The following AGBL4 variants were observed in gnomAD, a reference collection of about 807,000 sequenced individuals.
AGBL4 encodes the protein AGBL carboxypeptidase 4.
AGBL4 carries 58 observed loss-of-function variants against 66.4 expected under a neutral mutation model. The ratio of observed to expected loss-of-function variants is 0.87; its 90% CI spans 0.71 to 1.09. The LOEUF (loss-of-function observed/expected upper bound fraction) is 1.09, where lower values mean the gene tolerates loss of function less well. Ranked by LOEUF, AGBL4 falls within the 50% of genes least tolerant of loss-of-function variation. The probability of loss-of-function intolerance (pLI) is 0.00; values close to 1 mark genes in which losing one functional copy is unlikely to be tolerated. For missense variants in AGBL4, 579 were observed against 631.0 expected (o/e 0.92, Z 0.88); for synonymous variants, 234 against 222.9 (o/e 1.05, Z -0.44).
chr1:48,663,926 C>T (rs1646146049), intron 6 of AGBL4, among the ~76,000 whole-genome samples: 1 of 152,012 alleles, frequency 6.6e-6, no homozygotes, highest in East Asian at 1.9e-4. Context: ...GAGATTAGAT[C>T]CCAATCCCTT....
At chr1:48,830,648 G>GA (rs909102498) in intron 6 of AGBL4, among the ~76,000 whole-genome samples, 47 of 152,308 alleles carry the variant, frequency 3.1e-4, no homozygotes, top group African/African-American at 1.1e-3. Context: ...TGCCATTCAA[G>GA]AAAAACATTC....
At chr1:49,791,131 T>A (rs536594092) in intron 2 of AGBL4, among the ~76,000 whole-genome samples, 1 of 152,214 alleles carries the variant, frequency 6.6e-6, no homozygotes, top group Admixed American at 6.5e-5. Context: ...GTGTGAAATG[T>A]AAAGTGATAT....
At chr1:49,415,422 A>C (rs1645406556) in intron 3 of AGBL4, among the ~76,000 whole-genome samples, 1 of 152,140 alleles carries the variant, frequency 6.6e-6, no homozygotes, top group African/African-American at 2.4e-5. Context: ...TTACTTCTAG[A>C]GGTTTGTTAA....
Position 49,696,818 on chromosome 1 carries a change from G to A in AGBL4, c.282+495C>T, listed in dbSNP as rs117607278. Among the ~76,000 whole-genome samples, 10 of 152,210 alleles carry A rather than the reference G, an allele frequency of 6.6e-5. No homozygotes were observed. The East Asian group carries it at 1.7e-3, about 26-fold the overall frequency. On this transcript the variant is annotated intron_variant, in intron 3 of 13. Transcript: ENST00000371839. ...TAGAGAGGGCTGTAAATATGGTTCC[G>A]AGTTTCCCAGCAGCCAAAGCAAAGG... is the stretch of plus-strand genomic sequence containing the variant.
intron 2 of AGBL4, among the ~76,000 whole-genome samples, chr1:49,740,822 G>A (rs958148214): frequency 6.6e-6 from 1 of 152,076 alleles, no homozygotes; most frequent in African/African-American, 2.4e-5. Flanking sequence ...ACGAAATGAA[G>A]GCAGAAATAA....
intron 2 of AGBL4, among the ~76,000 whole-genome samples, chr1:49,842,759 G>A (rs1646030031): frequency 6.6e-6 from 1 of 151,986 alleles, no homozygotes; most frequent in Non-Finnish European, 1.5e-5. Context: ...GCAGAGAGAT[G>A]AGGGATAGCC....
intron 6 of AGBL4, among the ~76,000 whole-genome samples, chr1:48,695,757 C>T (rs146105207): frequency 6.0e-4 from 92 of 152,246 alleles, no homozygotes; most frequent in African/African-American, 2.0e-3. Flanking sequence ...TTTTAAGGCA[C>T]CCCCATTTAT....
intron 9 of AGBL4, among the ~76,000 whole-genome samples, chr1:48,627,825 T>G (rs986638645): frequency 6.6e-6 from 1 of 152,068 alleles, no homozygotes; most frequent in Non-Finnish European, 1.5e-5. Flanking sequence ...TCTGAGGGAC[T>G]CTGGAGGTAA....
rs1474167655 is a variant in AGBL4 at position 49,309,404 on chromosome 1, T to C, written c.283-63540A>G. 1.3e-5 allele frequency among the ~76,000 whole-genome samples: 2 copies of C among 152,064 alleles called. 1 individual carries two copies. The highest frequency in any genetic ancestry group is 2.9e-5 in the Non-Finnish European group (2 of 67,992). ...TGATTCACTGTGTCAAGAGTGGCGC[T>C]AGAATCTGAATTAAATAAGTGCCAT... On this transcript the variant is annotated intron_variant, in intron 3 of 13. Coordinates refer to ENST00000371839, the MANE Select transcript of AGBL4 (RefSeq NM_032785.4).
At position 48,606,067 on chromosome 1, in the gene AGBL4, T is replaced by C. The variant is rs1170342248; in HGVS notation, c.952-15082A>G. ...AAGAACTCAATAAAGTGTAACACTT[T>C]AATCATGGAGATAAAAATCACACAG... is the stretch of plus-strand genomic sequence containing the variant. On this transcript the variant is annotated intron_variant, in intron 9 of 13. Transcript: ENST00000371839. Among the ~76,000 whole-genome samples the C allele has an allele frequency of 5.3e-4, 81 of 152,202 alleles. 1 individual carries two copies. Among genetic ancestry groups the C allele is most frequent in the Non-Finnish European group, 4.4e-5 (3 of 68,036 alleles).
the AGBL4 span, among the ~76,000 whole-genome samples, chr1:48,523,516 G>T: frequency 1.3e-5 from 2 of 152,194 alleles, no homozygotes; most frequent in African/African-American, 4.8e-5. Flanking sequence ...CTTAAATCCA[G>T]GCTCTGGGTT....
chr1:49,263,427 TA>T (rs1653423370), intron 3 of AGBL4, among the ~76,000 whole-genome samples: 1 of 151,928 alleles, frequency 6.6e-6, no homozygotes, highest in Non-Finnish European at 1.5e-5. Context: ...AGAACTATTA[TA>T]AATCAAAATA....
intron 2 of AGBL4, among the ~76,000 whole-genome samples, chr1:49,762,760 G>A (rs1024955184): frequency 1.3e-5 from 2 of 152,090 alleles, no homozygotes; most frequent in African/African-American, 2.4e-5. Flanking sequence ...TTGTTGAGTT[G>A]TTTAAATTCT....
At chr1:49,611,520 C>A (rs1199501685) in intron 3 of AGBL4, among the ~76,000 whole-genome samples, 3 of 151,800 alleles carry the variant, frequency 2.0e-5, no homozygotes, top group Admixed American at 6.6e-5. Flanking sequence ...GGACTACAGG[C>A]GTCCGCCACC....
intron 3 of AGBL4, among the ~76,000 whole-genome samples, chr1:49,329,129 A>G (rs1645279994): frequency 6.6e-6 from 1 of 152,090 alleles, no homozygotes; most frequent in Admixed American, 6.5e-5. Context: ...CAACATGGTG[A>G]AACCCTGTCT....
intron 5 of AGBL4, among the ~76,000 whole-genome samples, chr1:49,019,764 T>C (rs1315711392): frequency 6.6e-6 from 1 of 152,240 alleles, no homozygotes; most frequent in Non-Finnish European, 1.5e-5. Flanking sequence ...TTAGACATAA[T>C]ATTTTTTAAA....
intron 3 of AGBL4, among the ~76,000 whole-genome samples, chr1:49,588,999 G>C (rs1490793700): frequency 6.6e-6 from 1 of 152,154 alleles, no homozygotes; most frequent in African/African-American, 2.4e-5. Context: ...GTAAATTCTA[G>C]TTCTGCCTTC....
chr1:48,920,319 C>G (rs1461268996), intron 5 of AGBL4, among the ~76,000 whole-genome samples: 2 of 152,132 alleles, frequency 1.3e-5, no homozygotes, highest in Non-Finnish European at 2.9e-5. Context: ...CCTCCTAGCT[C>G]CCAGGATTTC....
At chr1:48,754,437 C>T (rs908647801) in intron 6 of AGBL4, among the ~76,000 whole-genome samples, 26 of 152,118 alleles carry the variant, frequency 1.7e-4, no homozygotes, top group African/African-American at 4.1e-4. Flanking sequence ...AGGATACCCT[C>T]GATAACTGTT....
Sources: gnomAD v4.1 joint callset for allele counts (sites outside exome capture counted in the v4.1 genomes callset) on GRCh38, gnomAD v4.1.1 for gene constraint, MANE v1.5 for transcripts, NCBI Gene and HGNC (gene_info 2026-07-23, HGNC 2026-07-21) for gene names.